Variants in NELL1 observed in about 807,000 individuals in gnomAD.
NELL1 encodes protein kinase C-binding protein NELL1.
Under a neutral mutation model 107.4 loss-of-function variants are expected in NELL1, and 76 were observed. That is an observed-to-expected ratio of 0.71 (90% CI 0.59 to 0.86). The LOEUF (loss-of-function observed/expected upper bound fraction) is 0.86. Ranked by LOEUF, NELL1 falls within the 40% of genes least tolerant of loss-of-function variation. The pLI is 0.00. For synonymous variants in NELL1, 353 were observed against 341.2 expected (o/e 1.03, Z -0.38); for missense variants, 1,024 against 1,005.5 (o/e 1.02, Z -0.25).
chr11:21,357,752 T>C (rs748683033), intron 14 of NELL1, among the ~76,000 whole-genome samples: 7 of 152,236 alleles, frequency 4.6e-5, no homozygotes, highest in Non-Finnish European at 1.0e-4. Context: ...TTACTGATGT[T>C]ATCTTCTAGA....
At chr11:21,469,376 G>A (rs1021743222) in intron 15 of NELL1, among the ~76,000 whole-genome samples, 1 of 151,994 alleles carries the variant, frequency 6.6e-6, no homozygotes, top group Non-Finnish European at 1.5e-5. Flanking sequence ...AAGTCTTGCA[G>A]GAGTACCCAT....
Position 21,528,224 on chromosome 11 carries a change from A to G in NELL1, c.1646-6150A>G, listed in dbSNP as rs78907312. 3.8e-3 allele frequency among the ~76,000 whole-genome samples: 575 copies of G among 152,302 alleles called. 2 individuals are homozygous for G. The highest frequency in any genetic ancestry group is 0.013 in the African/African-American group (533 of 41,558). ...GTAGTTTTTAGATTGATCTCATTCA[A>G]TCTTTAAAACAACAGCATTATGGCA... On this transcript the variant is annotated intron_variant, in intron 15 of 19. Coordinates refer to ENST00000357134, the MANE Select transcript of NELL1 (RefSeq NM_006157.5).
chr11:21,013,924 T>C (rs2134291020), intron 12 of NELL1, among the ~76,000 whole-genome samples: 1 of 152,242 alleles, frequency 6.6e-6, no homozygotes, highest in Non-Finnish European at 1.5e-5. Context: ...ACTGGTCAGG[T>C]ATTTTTTTAG....
In NELL1 at chr11:20,695,220, A is replaced by T. The variant is rs562470817; in HGVS notation, c.184+17160A>T. 1.1e-4 allele frequency among the ~76,000 whole-genome samples: 16 copies of T among 152,242 alleles called. No homozygotes were observed. The South Asian group carries it at 1.4e-3, about 14-fold the overall frequency. ...ATAGTCTTCAGGGTTTTCTAGGTAG[A>T]GAATCATATCATCAGTGAAGAGGGA... On this transcript the variant is annotated intron_variant, in intron 2 of 19. Transcript: ENST00000357134.
chr11:21,281,416 G>A (rs1012949070), intron 14 of NELL1, among the ~76,000 whole-genome samples: 1 of 152,052 alleles, frequency 6.6e-6, no homozygotes, highest in African/African-American at 2.4e-5. Context: ...GACTTCTAAG[G>A]TTTCTGACTC....
intron 15 of NELL1, among the ~76,000 whole-genome samples, chr11:21,419,696 C>T (rs1852611425): frequency 6.6e-6 from 1 of 152,068 alleles, no homozygotes; most frequent in African/African-American, 2.4e-5. Context: ...GAGAGAAAAG[C>T]CATCAGCTGT....
intron 15 of NELL1, among the ~76,000 whole-genome samples, chr11:21,507,692 AAAAT>A (rs1416322743): frequency 6.6e-6 from 1 of 152,156 alleles, no homozygotes; most frequent in African/African-American, 2.4e-5. Flanking sequence ...AAAAAAGAAA[AAAAT>A]AAAGGCGATA....
At chr11:21,552,924 C>G (rs1336207533) in intron 16 of NELL1, among the ~76,000 whole-genome samples, 1 of 151,744 alleles carries the variant, frequency 6.6e-6, no homozygotes, top group Non-Finnish European at 1.5e-5. Context: ...TTTGGAACTA[C>G]AATACACAGG....
intron 13 of NELL1, among the ~76,000 whole-genome samples, chr11:21,206,604 C>A (rs1303652440): frequency 6.6e-6 from 1 of 152,182 alleles, no homozygotes; most frequent in Non-Finnish European, 1.5e-5. Context: ...CCCCTCCCCA[C>A]TGCCTTTTCT....
At chr11:20,989,190 A>T (rs1412839419) in intron 12 of NELL1, among the ~76,000 whole-genome samples, 2 of 152,164 alleles carry the variant, frequency 1.3e-5, no homozygotes, top group Admixed American at 6.5e-5. Context: ...GTTTCTGAAG[A>T]GGAAGAGTTT....
intron 2 of NELL1, among the ~76,000 whole-genome samples, chr11:20,683,996 T>A (rs1021851118): frequency 6.6e-6 from 1 of 151,552 alleles, no homozygotes; most frequent in African/African-American, 2.4e-5. Context: ...CCATTATGTC[T>A]TCAAATATTT....
At chr11:21,102,514 C>T (rs1854846330) in intron 12 of NELL1, among the ~76,000 whole-genome samples, 1 of 152,158 alleles carries the variant, frequency 6.6e-6, no homozygotes. Flanking sequence ...GTCTCAATTT[C>T]TTTATCTGTA....
chr11:20,755,550 G>GT (rs1226891368), intron 2 of NELL1, among the ~76,000 whole-genome samples: 2 of 114,546 alleles, frequency 1.7e-5, no homozygotes, highest in South Asian at 2.7e-4. Context: ...GTTTTTTTTT[G>GT]TTTTTGTTTT....
At chr11:21,022,872 A>C (rs1852732730) in intron 12 of NELL1, among the ~76,000 whole-genome samples, 1 of 152,124 alleles carries the variant, frequency 6.6e-6, no homozygotes, top group Non-Finnish European at 1.5e-5. Context: ...GATGATTACT[A>C]ACTCCAAAAG....
chr11:20,888,367 T>G (rs112584235), intron 5 of NELL1, among the ~76,000 whole-genome samples: 17 of 151,740 alleles, frequency 1.1e-4, no homozygotes, highest in African/African-American at 3.9e-4. Context: ...TTCTGATGCC[T>G]CTATGTTTTC....
chr11:21,098,720 T>C (rs1028087120), intron 12 of NELL1, among the ~76,000 whole-genome samples: 1 of 152,058 alleles, frequency 6.6e-6, no homozygotes, highest in Non-Finnish European at 1.5e-5. Flanking sequence ...CTCTGGCCCA[T>C]TTTTTTACTC....
intron 13 of NELL1, among the ~76,000 whole-genome samples, chr11:21,192,439 A>G (rs180819402): frequency 6.6e-6 from 1 of 152,014 alleles, no homozygotes; most frequent in Admixed American, 6.5e-5. Context: ...TAAAATTAAG[A>G]TTTATTTGTC....
At chr11:21,370,239 C>T (rs1851327207) in intron 14 of NELL1, among the ~76,000 whole-genome samples, 1 of 152,006 alleles carries the variant, frequency 6.6e-6, no homozygotes, top group African/African-American at 2.4e-5. Flanking sequence ...TTGGGACCAG[C>T]ATTTCCACAC....
intron 14 of NELL1, among the ~76,000 whole-genome samples, chr11:21,301,054 G>A (rs1303728916): frequency 6.6e-6 from 1 of 151,996 alleles, no homozygotes; most frequent in Non-Finnish European, 1.5e-5. Flanking sequence ...CTTCATCCAC[G>A]TCCCCACAAA....
Sources: allele counts gnomAD v4.1 joint callset (sites outside exome capture counted in the v4.1 genomes callset), GRCh38; gene constraint gnomAD v4.1.1; transcripts MANE v1.5; gene names NCBI Gene and HGNC (gene_info 2026-07-23, HGNC 2026-07-21).